Variants in FLII observed in about 807,000 individuals in gnomAD.
FLII encodes protein flightless-1 homolog.
Under a neutral mutation model 156.2 loss-of-function variants are expected in FLII, and 101 were observed. The ratio of observed to expected loss-of-function variants is 0.65; its 90% CI spans 0.55 to 0.76. The LOEUF is 0.76. Among genes scored for constraint, FLII ranks in the 30% least tolerant of loss-of-function variants. FLII has a pLI of 0.00. For synonymous variants in FLII, 767 were observed against 685.8 expected, an observed-to-expected ratio of 1.12 and a Z score of -1.85; for missense variants, 1,675 against 1,682.8, an observed-to-expected ratio of 1.00 and a Z score of 0.08.
Position 18,254,086 on chromosome 17 carries a change from G to T in FLII, c.672C>A (p.Asn224Lys), listed in dbSNP as rs779678541. 1.2e-6 allele frequency: 2 copies of T among 1,608,150 alleles called. No homozygotes were observed. Among genetic ancestry groups the T allele is most frequent in the Non-Finnish European group, 8.5e-7 (1 of 1,176,410 alleles). The change falls in exon 7 of 30, where the codon AAC (asparagine) becomes AAA (lysine). Residue 224 changes from asparagine to lysine, a missense_variant. Asn to Lys is a moderately conservative substitution (Grantham distance 94). This residue lies in a region of FLII where 343 missense variants were observed against 413.5 expected (regional missense o/e 0.83). Coordinates refer to ENST00000327031, the MANE Select transcript of FLII (RefSeq NM_002018.4). Reference protein sequence around the residue: ...NLPTSLEGLSNLADVDLSCND... With the variant: ...NLPTSLEGLSKLADVDLSCND... ...CTCCTGGGGCTGCCTGACCTGCGAGGTTGCTCAGACCCTCCAGGCTGGTGG... is the reference window on the plus strand; with the variant it reads ...CTCCTGGGGCTGCCTGACCTGCGAGTTTGCTCAGACCCTCCAGGCTGGTGG...
chr17:18,253,002 G>C (rs2048314660), intron 9 of FLII, among the ~76,000 whole-genome samples: 1 of 152,084 alleles, frequency 6.6e-6, no homozygotes, highest in Non-Finnish European at 1.5e-5. Flanking sequence ...AATACAAAAA[G>C]AGCCGGGCGT....
chr17:18,245,150 C>G lies in FLII; in HGVS notation c.3798G>C (p.Lys1266Asn). The G allele has an allele frequency of 1.9e-6, 3 of 1,612,990 alleles. No homozygotes were observed. Among genetic ancestry groups the G allele is most frequent in the Non-Finnish European group, 2.5e-6 (3 of 1,179,442 alleles). The change falls in exon 30 of 30, where the codon AAG becomes AAC. Residue 1266 changes from lysine to asparagine, a missense_variant. This residue lies in a region of FLII where 1,332 missense variants were observed against 1,269.3 expected (regional missense o/e 1.05). Coordinates refer to ENST00000327031, the MANE Select transcript of FLII (RefSeq NM_002018.4). ...RCFHAWSAFC[K>N]ALA is the part of the protein sequence containing the mutation. ...GTGCCAGCCTGTCTTAGGCCAGGGC[C>G]TTGCAGAAGGCGCTCCAGGCGTGGA...
chr17:18,246,990 C>G lies in FLII; in HGVS notation c.2739G>C (p.Glu913Asp). ...CCGGCAGCCGCGCAAACTTCTTGCC[C>G]TCCAGCACGAAACCCTCCATGCCGT... is the stretch of plus-strand genomic sequence containing the variant. ...DLDGMEGFVL[E>D]GKKFARLPEE... Residue 913 changes from glutamate (E) to aspartate (D), a missense_variant, in exon 22 of 30, where the codon GAG becomes GAC. Physicochemically the swap from Glu to Asp is conservative, Grantham distance 45. Transcript: ENST00000327031. 1 of 1,614,134 alleles carries G rather than the reference C, an allele frequency of 6.2e-7. No homozygotes were observed. Among genetic ancestry groups the G allele is most frequent in the South Asian group, 1.1e-5 (1 of 91,088 alleles).
chr17:18,247,465 G>T, intron 20 of FLII, 108 bp from the exon 21 acceptor site: 2 of 1,195,132 alleles, frequency 1.7e-6, no homozygotes, highest in African/African-American at 1.5e-5. Context: ...GGCGGGGCTT[G>T]GGAGGCGGGG....
Position 18,251,691 on chromosome 17 carries a change from T to G in FLII, c.1372A>C (p.Lys458Gln), listed in dbSNP as rs2048273469. The G allele has an allele frequency of 1.2e-6, 2 of 1,614,028 alleles. No homozygotes were observed. Among genetic ancestry groups the G allele is most frequent in the Non-Finnish European group, 8.5e-7 (1 of 1,180,022 alleles). The stretch of plus-strand genomic sequence containing the variant: ...CTGGCCTGGCTCACCTCCTGCTTTT[T>G]GTTCTTCTCCTGGGCAACATCTGAC... ...GMSDVAQEKN[K>Q]KQEESADARA... Residue 458 changes from lysine to glutamine, a missense_variant, in exon 12 of 30, where the codon AAA becomes CAA. Coordinates refer to ENST00000327031, the MANE Select transcript of FLII (RefSeq NM_002018.4).
At position 18,246,654 on chromosome 17, in the gene FLII, C is replaced by G; in HGVS notation, c.2991G>C (p.Trp997Cys). 2 of 1,613,854 alleles carry G rather than the reference C, an allele frequency of 1.2e-6. No individual in the cohort carries two copies. Among genetic ancestry groups the G allele is most frequent in the Non-Finnish European group, 1.7e-6 (2 of 1,179,888 alleles). The change falls in exon 23 of 30, where the codon TGG (tryptophan) becomes TGC (cysteine). Residue 997 changes from tryptophan (W) to cysteine (C), a missense_variant. Around this residue, in one of 2 missense-constraint regions of FLII, gnomAD observed 1,332 missense variants for 1,269.3 expected, o/e 1.05. Coordinates refer to ENST00000327031, the MANE Select transcript of FLII (RefSeq NM_002018.4). ...TTTGCAGGCTGAAGGTGAAGGTGAGCCAGCCCATATTGGAGGCTTCACGGC... is the reference window on the plus strand; with the variant it reads ...TTTGCAGGCTGAAGGTGAAGGTGAGGCAGCCCATATTGGAGGCTTCACGGC... ...WQGREASNMGWLTFTFSLQKK... is the reference protein window; with the variant it reads ...WQGREASNMGCLTFTFSLQKK...
intron 3 of FLII, among the ~76,000 whole-genome samples, chr17:18,255,690 A>G (rs1290905794): frequency 2.6e-5 from 4 of 152,190 alleles, no homozygotes; most frequent in African/African-American, 7.2e-5. Context: ...CATACCTTAC[A>G]GACATGCAGA....
chr17:18,252,886 C>A (rs142449761), intron 9 of FLII, among the ~76,000 whole-genome samples: 1,529 of 152,294 alleles, frequency 0.01, 28 homozygotes, highest in African/African-American at 0.035. Context: ...CTGGGCCGGG[C>A]GTGGTGGCTC....
rs2048487967 is a variant in FLII at position 18,258,261 on chromosome 17, C to T, written c.63+367G>A. 6.6e-6 allele frequency among the ~76,000 whole-genome samples: 1 copy of T among 152,236 alleles called. No homozygotes were observed. Among genetic ancestry groups the T allele is most frequent in the Non-Finnish European group, 1.5e-5 (1 of 68,032 alleles). ...CGCCCCTGGGCAGCCGGGCAGCCAT[C>T]CCTGAGTCAGGGCCTGGCTTGGGCG... On this transcript the variant is annotated intron_variant, in intron 1 of 29. Transcript: ENST00000327031. This position sits in a 1 kb window ranked among gnomAD's most constrained non-coding sequence, Gnocchi z 4.2.
intron 2 of FLII, 145 bp from the exon 3 acceptor site, chr17:18,256,742 G>A: frequency 1.2e-6 from 1 of 802,932 alleles, no homozygotes; most frequent in Non-Finnish European, 2.1e-6. Flanking sequence ...CACTCACCCG[G>A]CCTCTTCTTG....
chr17:18,257,352 ACT>A (rs2048452132), intron 1 of FLII: 2 of 274,934 alleles, frequency 7.3e-6, no homozygotes, highest in African/African-American at 2.2e-5. Context: ...AGCATTCCAC[ACT>A]CTGACTGGCT....
chr17:18,256,816 CCT>C (rs2048433320), intron 2 of FLII, 91 bp downstream of exon 2: 2 of 882,838 alleles, frequency 2.3e-6, no homozygotes, highest in South Asian at 3.1e-5. Flanking sequence ...TGTCGGTGTT[CCT>C]CTCTCTGGAG....
chr17:18,246,782 T>C lies in FLII; in HGVS notation c.2863A>G (p.Lys955Glu), dbSNP rs760471288. 3 of 1,613,720 alleles carry C rather than the reference T, an allele frequency of 1.9e-6. No homozygotes were observed. Among genetic ancestry groups the C allele is most frequent in the East Asian group, 2.2e-5 (1 of 44,858 alleles). The change falls in exon 23 of 30, where the codon AAG becomes GAG. Residue 955 changes from lysine to glutamate, a missense_variant. Lys to Glu is a moderately conservative substitution (Grantham distance 56). Transcript: ENST00000327031. ...TCTTTGCCCTCGGCCTTCTCCTCCT[T>C]GTCTTCCTTCTTTTCCTCCTCCTCG... ...EYEEEEKKED[K>E]EEKAEGKEGE...
At chr17:18,247,130 A>AC (rs745534381) in intron 21 of FLII, 39 bp downstream of exon 21, 208,523 of 935,346 alleles carry the variant, frequency 0.22, 1,563 homozygotes, top group Non-Finnish European at 0.25. Flanking sequence ...CCTGCCCCCC[A>AC]CCCCCCCCCC....
In FLII at chr17:18,253,290, C is replaced by CT; in HGVS notation, c.1013+10dup. On this transcript the variant is annotated intron_variant, in intron 9 of 29. Transcript: ENST00000327031. ...GCAAGTGCCTCTGCTAGCCCCAGCCCTGCCCAGCACCTGCAGAGACTTTCA... is the reference window on the plus strand; with the variant it reads ...GCAAGTGCCTCTGCTAGCCCCAGCCCTTGCCCAGCACCTGCAGAGACTTTCA... 6.2e-7 allele frequency: 1 copy of CT among 1,613,714 alleles called. No individual in the cohort carries two copies. Among genetic ancestry groups the CT allele is most frequent in the Non-Finnish European group, 8.5e-7 (1 of 1,179,962 alleles).
In FLII at chr17:18,249,339, G is replaced by A. The variant is rs199901841; in HGVS notation, c.1846C>T (p.His616Tyr). The change falls in exon 15 of 30, where the codon CAC becomes TAC. Residue 616 changes from histidine (H) to tyrosine (Y), a missense_variant. His to Tyr is a moderately conservative substitution (Grantham distance 83, BLOSUM62 2). Around this residue, in one of 2 missense-constraint regions of FLII, gnomAD observed 1,332 missense variants for 1,269.3 expected, o/e 1.05. Coordinates refer to ENST00000327031, the MANE Select transcript of FLII (RefSeq NM_002018.4). The part of the protein sequence containing the change: ...ASGFYTVEDT[H>Y]YVTRMYRVYG... ...ACACACCCTCACCTGGTGACATAGTGTGTGTCTTCCACAGTGTAGAAGCCA... is the reference window on the plus strand; with the variant it reads ...ACACACCCTCACCTGGTGACATAGTATGTGTCTTCCACAGTGTAGAAGCCA... The A allele has an allele frequency of 5.0e-6, 8 of 1,613,982 alleles. No individual in the cohort carries two copies. Among genetic ancestry groups the A allele is most frequent in the Middle Eastern group, 1.6e-4 (1 of 6,062 alleles).
At chr17:18,250,146 A>G (rs1028268902) in intron 14 of FLII, among the ~76,000 whole-genome samples, 1 of 152,122 alleles carries the variant, frequency 6.6e-6, no homozygotes, top group Non-Finnish European at 1.5e-5. Context: ...ATCTGTGTCT[A>G]TAAACATACA....
At chr17:18,257,450 G>A (rs1024370129) in intron 1 of FLII, among the ~76,000 whole-genome samples, 1 of 152,192 alleles carries the variant, frequency 6.6e-6, no homozygotes, top group Non-Finnish European at 1.5e-5. Flanking sequence ...GGCAACTCAC[G>A]GCCAGGGTCA....
intron 13 of FLII, 95 bp downstream of exon 13, chr17:18,251,170 T>C (rs1465954186): frequency 8.9e-6 from 13 of 1,461,758 alleles, no homozygotes; most frequent in Non-Finnish European, 1.2e-5. Context: ...ACCTCCCACC[T>C]GGCCTCCCTG....
Sources: allele counts gnomAD v4.1 joint callset (sites outside exome capture counted in the v4.1 genomes callset), GRCh38; gene constraint gnomAD v4.1.1; regional missense constraint gnomAD v4.1.1; non-coding constraint Gnocchi (gnomAD v3.1); transcripts MANE v1.5; gene names NCBI Gene and HGNC (gene_info 2026-07-23, HGNC 2026-07-21).